Variants in PTPRD observed in about 807,000 individuals in gnomAD.
The protein encoded by PTPRD is receptor-type tyrosine-protein phosphatase delta.
In PTPRD, 34 loss-of-function variants were observed where a neutral mutation model predicts 214.5. The observed-to-expected ratio is 0.16, with a 90% CI of 0.12 to 0.21. The LOEUF is 0.21. Among genes scored for constraint, PTPRD ranks in the 10% least tolerant of loss-of-function variants. PTPRD has a pLI of 1.00. For missense variants in PTPRD, 2,545 were observed against 2,398.7 expected (o/e 1.06, Z -1.27); for synonymous variants, 1,128 against 845.7 (o/e 1.33, Z -5.79).
intron 12 of PTPRD, among the ~76,000 whole-genome samples, chr9:8,718,321 G>T (rs909142866): frequency 2.6e-5 from 4 of 152,156 alleles, no homozygotes; most frequent in Non-Finnish European, 5.9e-5. Context: ...AGAGAAACTA[G>T]ATCTCAGAAC....
At chr9:10,413,415 T>A (rs1372294230) in intron 2 of PTPRD, among the ~76,000 whole-genome samples, 7 of 151,628 alleles carry the variant, frequency 4.6e-5, no homozygotes, top group African/African-American at 1.2e-4. Flanking sequence ...ATGTAAAAGA[T>A]CTCTATGATA....
intron 34 of PTPRD, among the ~76,000 whole-genome samples, chr9:8,443,591 G>T (rs2095621309): frequency 6.6e-6 from 1 of 152,210 alleles, no homozygotes; most frequent in Non-Finnish European, 1.5e-5. Context: ...TGAGGTCTTT[G>T]TGTTGTAACA....
chr9:10,263,702 G>A (rs1021793950), intron 3 of PTPRD, among the ~76,000 whole-genome samples: 4 of 152,140 alleles, frequency 2.6e-5, no homozygotes, highest in Non-Finnish European at 2.9e-5. Context: ...CATTTTCTGG[G>A]GAGAAATTCA....
intron 10 of PTPRD, among the ~76,000 whole-genome samples, chr9:9,115,866 C>A (rs1346080109): frequency 2.6e-5 from 4 of 152,082 alleles, no homozygotes; most frequent in African/African-American, 9.7e-5. Flanking sequence ...AATGTATATA[C>A]CCATCATGGA....
intron 6 of PTPRD, among the ~76,000 whole-genome samples, chr9:9,760,201 C>A (rs544960450): frequency 6.6e-6 from 1 of 152,058 alleles, no homozygotes; most frequent in South Asian, 2.1e-4. Flanking sequence ...CGGGTCTATG[C>A]CACATATCAA....
chr9:9,180,389 C>T (rs964081279), intron 10 of PTPRD, among the ~76,000 whole-genome samples: 24 of 140,388 alleles, frequency 1.7e-4, no homozygotes, highest in Non-Finnish European at 2.7e-4. Context: ...TAGGTGGGAA[C>T]TGAACAATGA....
intron 6 of PTPRD, among the ~76,000 whole-genome samples, chr9:9,760,809 G>A (rs2098648447): frequency 1.3e-5 from 2 of 152,048 alleles, no homozygotes; most frequent in South Asian, 4.2e-4. Flanking sequence ...AACATCAATA[G>A]CCATTAGAGA....
intron 7 of PTPRD, among the ~76,000 whole-genome samples, chr9:9,670,776 A>G (rs1006457603): frequency 6.6e-6 from 1 of 152,192 alleles, no homozygotes; most frequent in African/African-American, 2.4e-5. Flanking sequence ...GGTGCACAGA[A>G]GTCAAGAACT....
At chr9:10,432,451 G>GT (rs2098689303) in intron 2 of PTPRD, among the ~76,000 whole-genome samples, 8 of 151,436 alleles carry the variant, frequency 5.3e-5, no homozygotes, top group Admixed American at 3.9e-4. Flanking sequence ...AAAAAAGAAA[G>GT]GTTTCTTTCC....
At position 9,416,568 on chromosome 9, in the gene PTPRD, T is replaced by C. The variant is rs189199597; in HGVS notation, c.-236-19086A>G. Among the ~76,000 whole-genome samples, 165 of 151,076 alleles carry C rather than the reference T, an allele frequency of 1.1e-3. 1 individual carries two copies. Among genetic ancestry groups the C allele is most frequent in the African/African-American group, 3.4e-3 (139 of 41,358 alleles). ...TTAAGGCTCTAACTTAGTTGGTTTCTGGTTTCCTCTCTAATGTTATTCCTT... is the reference window on the plus strand; with the variant it reads ...TTAAGGCTCTAACTTAGTTGGTTTCCGGTTTCCTCTCTAATGTTATTCCTT... On this transcript the variant is annotated intron_variant, in intron 8 of 45. Coordinates refer to ENST00000381196, the MANE Select transcript of PTPRD (RefSeq NM_002839.4).
intron 43 of PTPRD, among the ~76,000 whole-genome samples, chr9:8,334,385 C>T (rs570867731): frequency 2.0e-5 from 3 of 150,500 alleles, no homozygotes; most frequent in Non-Finnish European, 4.4e-5. Flanking sequence ...AAAAAAAAAA[C>T]CACTCAAAAC....
chr9:10,013,810 G>T (rs187492258), intron 4 of PTPRD, among the ~76,000 whole-genome samples: 4 of 151,764 alleles, frequency 2.6e-5, no homozygotes, highest in Non-Finnish European at 4.4e-5. Flanking sequence ...TTATATTTTG[G>T]TTCACATAAT....
intron 27 of PTPRD, among the ~76,000 whole-genome samples, chr9:8,491,080 G>C (rs2097139721): frequency 6.6e-6 from 1 of 152,224 alleles, no homozygotes; most frequent in African/African-American, 2.4e-5. Context: ...AGGAAAACTA[G>C]AGCTTCGCTC....
intron 3 of PTPRD, among the ~76,000 whole-genome samples, chr9:10,273,548 G>GCATT (rs933179071): frequency 2.0e-5 from 3 of 152,038 alleles, no homozygotes; most frequent in African/African-American, 7.2e-5. Context: ...CAGTAGAAAT[G>GCATT]CATTTATTTT....
At chr9:8,831,898 T>G (rs7861223) in intron 11 of PTPRD, among the ~76,000 whole-genome samples, 3 of 115,080 alleles carry the variant, frequency 2.6e-5, no homozygotes, top group Admixed American at 2.4e-4. Context: ...ATATTCTATT[T>G]CTCCTTTAGT....
rs558394153 is a variant in PTPRD at position 9,680,953 on chromosome 9, C to T, written c.-287+53580G>A. Among the ~76,000 whole-genome samples, 8 of 151,810 alleles carry T rather than the reference C, an allele frequency of 5.3e-5. No individual in the cohort carries two copies. In the South Asian group the frequency reaches 8.3e-4, roughly 16 times the overall value. On this transcript the variant is annotated intron_variant, in intron 7 of 45. Transcript: ENST00000381196. ...AAAGGCCCACAAGAATCAATCTTCA[C>T]GAATATATCACTATATTTTTCTCAT...
chr9:9,348,108 C>T (rs2049614439), intron 9 of PTPRD, among the ~76,000 whole-genome samples: 1 of 152,132 alleles, frequency 6.6e-6, no homozygotes, highest in Admixed American at 6.6e-5. Context: ...GTTGCTAATG[C>T]ATTCTTTCAA....
chr9:9,057,560 AAAT>A (rs1438461418), intron 10 of PTPRD, among the ~76,000 whole-genome samples: 2 of 152,174 alleles, frequency 1.3e-5, no homozygotes, highest in Admixed American at 1.3e-4. Context: ...ATTTTTTGTT[AAAT>A]GATGAATGAA....
chr9:9,698,698 C>T (rs2097429931), intron 7 of PTPRD, among the ~76,000 whole-genome samples: 1 of 152,158 alleles, frequency 6.6e-6, no homozygotes, highest in Non-Finnish European at 1.5e-5. Context: ...AGGAACAGGT[C>T]TCCTGCCAGT....
Sources: gnomAD v4.1 joint callset for allele counts (sites outside exome capture counted in the v4.1 genomes callset) on GRCh38, gnomAD v4.1.1 for gene constraint, MANE v1.5 for transcripts, NCBI Gene and HGNC (gene_info 2026-07-23, HGNC 2026-07-21) for gene names.